Variants in NLGN1 observed in about 807,000 individuals in gnomAD.
NLGN1 encodes the protein neuroligin 1, also known as neuroligin-1.
Under a neutral mutation model 65.5 loss-of-function variants are expected in NLGN1, and 12 were observed. The observed-to-expected ratio is 0.18, with a 90% CI of 0.12 to 0.30. The LOEUF (loss-of-function observed/expected upper bound fraction) is 0.30, where lower values mean the gene tolerates loss of function less well. Among genes scored for constraint, NLGN1 ranks in the 10% least tolerant of loss-of-function variants. NLGN1 has a pLI of 1.00. For missense variants in NLGN1, 750 were observed against 1,007.1 expected, an observed-to-expected ratio of 0.74 and a Z score of 3.46; for synonymous variants, 350 against 359.5, an observed-to-expected ratio of 0.97 and a Z score of 0.30.
intron 2 of NLGN1, among the ~76,000 whole-genome samples, chr3:173,474,817 G>T (rs1725914366): frequency 6.6e-6 from 1 of 151,984 alleles, no homozygotes; most frequent in African/African-American, 2.4e-5. Context: ...AATTATCTGG[G>T]CATGGTGGTG....
intron 3 of NLGN1, among the ~76,000 whole-genome samples, chr3:173,771,165 A>G (rs1779517538): frequency 6.6e-6 from 1 of 152,092 alleles, no homozygotes; most frequent in Non-Finnish European, 1.5e-5. Context: ...CTTCTAAATC[A>G]TTTATTTTAA....
intron 4 of NLGN1, among the ~76,000 whole-genome samples, chr3:173,957,039 CA>C (rs1278506393): frequency 1.3e-5 from 2 of 151,328 alleles, no homozygotes; most frequent in Non-Finnish European, 2.9e-5. Flanking sequence ...CTATCAATAA[CA>C]AAAATAGAGA....
intron 4 of NLGN1, among the ~76,000 whole-genome samples, chr3:173,993,764 G>T (rs989288470): frequency 6.6e-6 from 1 of 151,548 alleles, no homozygotes; most frequent in South Asian, 2.1e-4. Context: ...CATATATATA[G>T]TGTGTGTATA....
intron 4 of NLGN1, among the ~76,000 whole-genome samples, chr3:173,929,685 T>A (rs544634938): frequency 1.3e-5 from 2 of 150,338 alleles, no homozygotes; most frequent in African/African-American, 4.9e-5. Flanking sequence ...AGCTTTTTTT[T>A]TTCTTTTTTT....
chr3:173,748,083 A>T (rs1021569685), intron 3 of NLGN1, among the ~76,000 whole-genome samples: 1 of 151,710 alleles, frequency 6.6e-6, no homozygotes, highest in Non-Finnish European at 1.5e-5. Context: ...TATAGGCATG[A>T]GCCACCACAC....
chr3:174,039,494 A>G (rs1348835775), intron 4 of NLGN1, among the ~76,000 whole-genome samples: 6 of 151,934 alleles, frequency 3.9e-5, no homozygotes, highest in Non-Finnish European at 8.8e-5. Context: ...TAAGTCCTCT[A>G]TGGGAAGAAC....
intron 2 of NLGN1, among the ~76,000 whole-genome samples, chr3:173,560,755 AG>A (rs1259997873): frequency 6.6e-6 from 1 of 152,214 alleles, no homozygotes; most frequent in Non-Finnish European, 1.5e-5. Flanking sequence ...AATCTATGAA[AG>A]CACCTTAAAA....
At chr3:174,231,029 C>T (rs1318535565) in intron 4 of NLGN1, among the ~76,000 whole-genome samples, 1 of 152,046 alleles carries the variant, frequency 6.6e-6, no homozygotes, top group African/African-American at 2.4e-5. Context: ...GTCCTTGTTT[C>T]AAAGTTAAGC....
At chr3:173,991,064 T>C (rs937270195) in intron 4 of NLGN1, among the ~76,000 whole-genome samples, 1 of 152,108 alleles carries the variant, frequency 6.6e-6, no homozygotes, top group Non-Finnish European at 1.5e-5. Flanking sequence ...CACATTATTA[T>C]CACACAAAGT....
chr3:173,654,028 A>G (rs756244081), intron 3 of NLGN1, among the ~76,000 whole-genome samples: 1 of 152,204 alleles, frequency 6.6e-6, no homozygotes, highest in Non-Finnish European at 1.5e-5. Context: ...TAGCCCTAAT[A>G]GAATCACCCA....
At chr3:174,102,841 A>G (rs2152577764) in intron 4 of NLGN1, among the ~76,000 whole-genome samples, 1 of 152,180 alleles carries the variant, frequency 6.6e-6, no homozygotes, top group East Asian at 1.9e-4. Context: ...GAAGTGGGGG[A>G]AGAATAAGCA....
chr3:173,734,303 A>G (rs1235628020), intron 3 of NLGN1, among the ~76,000 whole-genome samples: 1 of 149,132 alleles, frequency 6.7e-6, no homozygotes, highest in East Asian at 2.0e-4. Flanking sequence ...AACACTGTAT[A>G]TTCCTAAAGT....
At chr3:174,089,741 C>A (rs1253012145) in intron 4 of NLGN1, among the ~76,000 whole-genome samples, 2 of 152,130 alleles carry the variant, frequency 1.3e-5, no homozygotes, top group Non-Finnish European at 2.9e-5. Flanking sequence ...TTACAGTATT[C>A]ATGTGGAGTG....
intron 3 of NLGN1, among the ~76,000 whole-genome samples, chr3:173,726,616 CT>C (rs1428420566): frequency 6.6e-6 from 1 of 152,126 alleles, no homozygotes; most frequent in African/African-American, 2.4e-5. Context: ...TGTCACCTTT[CT>C]CTAAACCTTG....
intron 4 of NLGN1, among the ~76,000 whole-genome samples, chr3:173,863,612 G>T (rs1729572100): frequency 6.6e-6 from 1 of 152,196 alleles, no homozygotes; most frequent in Non-Finnish European, 1.5e-5. Context: ...TGAGGAAAAA[G>T]GAGGATGTGC....
chr3:173,956,690 A>G (rs191201088), intron 4 of NLGN1, among the ~76,000 whole-genome samples: 3 of 152,082 alleles, frequency 2.0e-5, no homozygotes, highest in Non-Finnish European at 2.9e-5. Flanking sequence ...TTATGTATGG[A>G]TATGATAGTT....
intron 4 of NLGN1, among the ~76,000 whole-genome samples, chr3:174,222,191 T>C (rs1738799472): frequency 1.3e-5 from 2 of 152,152 alleles, no homozygotes; most frequent in South Asian, 4.1e-4. Context: ...TTATTGCGTG[T>C]ATATACTATA....
intron 3 of NLGN1, among the ~76,000 whole-genome samples, chr3:173,628,824 G>T (rs950013748): frequency 3.3e-5 from 5 of 151,930 alleles, no homozygotes; most frequent in African/African-American, 1.2e-4. Flanking sequence ...CTCCCTAACA[G>T]CTGGGATTAG....
intron 4 of NLGN1, among the ~76,000 whole-genome samples, chr3:174,206,751 G>A (rs780596598): frequency 1.8e-4 from 28 of 152,200 alleles, no homozygotes; most frequent in Non-Finnish European, 3.1e-4. Context: ...ATGGGGAAAA[G>A]AGCATTAGAA....
Sources: allele counts gnomAD v4.1 joint callset (sites outside exome capture counted in the v4.1 genomes callset), GRCh38; gene constraint gnomAD v4.1.1; transcripts MANE v1.5; gene names NCBI Gene and HGNC (gene_info 2026-07-23, HGNC 2026-07-21).